Variants in PCDHGB3 observed in about 807,000 individuals in gnomAD.
PCDHGB3 encodes the protein protocadherin gamma-B3.
In PCDHGB3, 40 loss-of-function variants were observed where a neutral mutation model predicts 59.2. That is an observed-to-expected ratio of 0.68 (90% confidence interval 0.52 to 0.88). PCDHGB3 has a LOEUF of 0.88. PCDHGB3 is among the 40% of genes least tolerant of loss of function. The probability of loss-of-function intolerance (pLI) is 0.00; values close to 1 mark genes in which losing one functional copy is unlikely to be tolerated. For synonymous variants in PCDHGB3, 581 were observed against 503.6 expected (o/e 1.15, Z -2.06); for missense variants, 1,309 against 1,187.9 (o/e 1.10, Z -1.50).
chr5:141,431,032 C>T lies in PCDHGB3; in HGVS notation c.2415+58223C>T. 1 of 1,614,008 alleles carries T rather than the reference C, an allele frequency of 6.2e-7. No individual in the cohort carries two copies. The highest frequency in any genetic ancestry group is 2.2e-5 in the East Asian group (1 of 44,848). On this transcript the variant is annotated intron_variant, in intron 1 of 3. Transcript: ENST00000576222. This position sits in a 1 kb window ranked among gnomAD's most constrained non-coding sequence, Gnocchi z 4.8. ...GCTTGGTCACGGCGGGCAGGATAGA[C>T]CGGGAGGAGCTCTGTATGGGGGCCA...
At chr5:141,414,498 C>T (rs2095755127) in intron 1 of PCDHGB3, 1 of 1,613,848 alleles carries the variant, frequency 6.2e-7, no homozygotes, top group African/African-American at 1.3e-5. Flanking sequence ...CGGAAGCTCA[C>T]TTTATGCTAC....
chr5:141,481,351 A>G (rs2099536232), intron 1 of PCDHGB3, among the ~76,000 whole-genome samples: 1 of 152,152 alleles, frequency 6.6e-6, no homozygotes, highest in Non-Finnish European at 1.5e-5. Context: ...TTAAACATCT[A>G]CAGCTGTTCA....
chr5:141,480,651 C>T (rs780138971), intron 1 of PCDHGB3, among the ~76,000 whole-genome samples: 1 of 152,174 alleles, frequency 6.6e-6, no homozygotes, highest in African/African-American at 2.4e-5. Flanking sequence ...CTTGGTTGCA[C>T]ATTAAAATCA....
chr5:141,460,649 A>G (rs1171722531), intron 1 of PCDHGB3, among the ~76,000 whole-genome samples: 2 of 152,152 alleles, frequency 1.3e-5, no homozygotes, highest in Non-Finnish European at 2.9e-5. Flanking sequence ...GTGTTTACAC[A>G]TATGTAACTG....
rs151239937 is a variant in PCDHGB3, at chr5:141,485,980, G to A, written c.2416-8827G>A. 1.9e-6 allele frequency: 3 copies of A among 1,614,020 alleles called. No homozygotes were observed. The highest frequency in any genetic ancestry group is 2.5e-6 in the Non-Finnish European group (3 of 1,180,004). Reference sequence around the variant, plus strand: ...TCATCCAGCTCAATGCCTCAGACCCGGACCTGGGTCCCAGTGGTAACGTCA... The same window carrying A: ...TCATCCAGCTCAATGCCTCAGACCCAGACCTGGGTCCCAGTGGTAACGTCA... On this transcript the variant is annotated intron_variant, in intron 1 of 3. Coordinates refer to ENST00000576222, the MANE Select transcript of PCDHGB3 (RefSeq NM_018924.5). The surrounding 1 kb of genome is among the most constrained non-coding windows in gnomAD (Gnocchi z 5.7).
At position 141,489,947 on chromosome 5, in the gene PCDHGB3, A is replaced by G. The variant is rs368977481; in HGVS notation, c.2416-4860A>G. The G allele has an allele frequency of 5.4e-5, 87 of 1,614,090 alleles. No individual in the cohort carries two copies. Among genetic ancestry groups the G allele is most frequent in the South Asian group, 6.6e-5 (6 of 91,094 alleles). ...ATCTCTGTCATCGTGCTGGACATCA[A>G]TGATAATGCTCCAACCTTCCAATCC... On this transcript the variant is annotated intron_variant, in intron 1 of 3. Transcript: ENST00000576222. This position sits in a 1 kb window ranked among gnomAD's most constrained non-coding sequence, Gnocchi z 4.5.
chr5:141,412,918 G>A (rs893690519), intron 1 of PCDHGB3: 17 of 414,102 alleles, frequency 4.1e-5, no homozygotes, highest in Non-Finnish European at 5.5e-5. Context: ...TATCACTTGG[G>A]TGCAGTAACT....
In PCDHGB3 at chr5:141,410,110, C is replaced by G. The variant is rs1361292941; in HGVS notation, c.2415+37301C>G. The G allele has an allele frequency of 6.8e-6, 11 of 1,612,422 alleles. No homozygotes were observed. In the African/African-American group the frequency reaches 1.3e-4, roughly 20 times the overall value. ...CGGCTCGAGCCTTAGGCGACAGGGA[C>G]GCAGCCCGCCAGCGCCTGCTGGTCG... is the stretch of plus-strand genomic sequence containing the variant. On this transcript the variant is annotated intron_variant, in intron 1 of 3. Coordinates refer to ENST00000576222, the MANE Select transcript of PCDHGB3 (RefSeq NM_018924.5).
chr5:141,478,137 G>A (rs762316494), intron 1 of PCDHGB3: 13 of 1,613,872 alleles, frequency 8.1e-6, no homozygotes, highest in African/African-American at 8.0e-5. Context: ...CCTGAAGCCC[G>A]AGCCGAGTTC....
intron 1 of PCDHGB3, chr5:141,421,203 G>A (rs779780797): frequency 2.6e-6 from 4 of 1,522,494 alleles, no homozygotes; most frequent in African/African-American, 1.4e-5. Context: ...TCGAGAAACC[G>A]CGGAATATCG....
chr5:141,375,955 C>A, intron 1 of PCDHGB3: 2 of 1,613,498 alleles, frequency 1.2e-6, no homozygotes, highest in Non-Finnish European at 1.7e-6. Flanking sequence ...TGCACACGGG[C>A]GAGGTGCGCA....
At chr5:141,386,548 G>T (rs1264128780) in intron 1 of PCDHGB3, among the ~76,000 whole-genome samples, 1 of 151,902 alleles carries the variant, frequency 6.6e-6, no homozygotes, top group Non-Finnish European at 1.5e-5. Context: ...GTTGTATTTG[G>T]TAGTATTTTG....
rs770283696 is a variant in PCDHGB3, at chr5:141,385,127, T to G, written c.2415+12318T>G. On this transcript the variant is annotated intron_variant, in intron 1 of 3. Transcript: ENST00000576222. ...GTGCCCACCTCGCACTTTGTGGGCA[T>G]GGACGGGGTGCAGGCTTTCCTGCAG... is the stretch of plus-strand genomic sequence containing the variant. 6.2e-6 allele frequency: 10 copies of G among 1,614,222 alleles called. No individual in the cohort carries two copies. The South Asian group carries it at 7.7e-5, about 12-fold the overall frequency.
Position 141,372,754 on chromosome 5 carries a change from G to T in PCDHGB3, c.2360G>T (p.Trp787Leu). ...GATCTTCTATGTGATGAAGCCTCTT[G>T]GTTTGAAAGTAATGACAATCCAGAA... Reference protein sequence around the residue: ...PQDLLCDEASWFESNDNPEMP... With the variant: ...PQDLLCDEASLFESNDNPEMP... The change falls in exon 1 of 4, where the codon TGG becomes TTG. Residue 787 changes from tryptophan to leucine, a missense_variant. By Grantham distance (61) the Trp-to-Leu change is moderately conservative. Transcript: ENST00000576222. 6 of 1,613,022 alleles carry T rather than the reference G, an allele frequency of 3.7e-6. No homozygotes were observed. The highest frequency in any genetic ancestry group is 1.3e-5 in the African/African-American group (1 of 75,022).
chr5:141,383,098 A>T, intron 1 of PCDHGB3: 2 of 1,613,954 alleles, frequency 1.2e-6, no homozygotes, highest in Non-Finnish European at 1.7e-6. Context: ...AGTCCGCATC[A>T]TCTCCAGAGG....
chr5:141,371,485 C>G lies in PCDHGB3; in HGVS notation c.1091C>G (p.Thr364Ser). 1 of 1,613,980 alleles carries G rather than the reference C, an allele frequency of 6.2e-7. No homozygotes were observed. Among genetic ancestry groups the G allele is most frequent in the South Asian group, 1.1e-5 (1 of 91,076 alleles). Reference sequence around the variant, plus strand: ...ATACAAGAAGATGCTGAGCTGGGGACTGCCGTTGCCCTGATCAAAACACAT... The same window carrying G: ...ATACAAGAAGATGCTGAGCTGGGGAGTGCCGTTGCCCTGATCAAAACACAT... ...QHIQEDAELG[T>S]AVALIKTHDL... is the part of the protein sequence containing the mutation. The change falls in exon 1 of 4, where the codon ACT (threonine) becomes AGT (serine). Residue 364 changes from threonine (T) to serine (S), a missense_variant. Coordinates refer to ENST00000576222, the MANE Select transcript of PCDHGB3 (RefSeq NM_018924.5).
chr5:141,434,253 G>C (rs979768901), intron 1 of PCDHGB3, among the ~76,000 whole-genome samples: 9 of 152,198 alleles, frequency 5.9e-5, no homozygotes, highest in Non-Finnish European at 1.3e-4. Flanking sequence ...CTTGGGCATT[G>C]TGGGGGAGGT....
At position 141,491,116 on chromosome 5, in the gene PCDHGB3, GGT is replaced by G. The variant is rs2099708409; in HGVS notation, c.2416-3689_2416-3688del. The G allele has an allele frequency of 1.2e-6, 2 of 1,614,178 alleles. No individual in the cohort carries two copies. Among genetic ancestry groups the G allele is most frequent in the Non-Finnish European group, 1.7e-6 (2 of 1,180,024 alleles). On this transcript the variant is annotated intron_variant, in intron 1 of 3. Transcript: ENST00000576222. This position sits in a 1 kb window ranked among gnomAD's most constrained non-coding sequence, Gnocchi z 6.9. Reference sequence around the variant, plus strand: ...ACTGTTCCTCGTGTCTACACACACTGGTGAGGTGCGCACAGCCCGGGCCTTAC... The same window carrying G: ...ACTGTTCCTCGTGTCTACACACACTGGAGGTGCGCACAGCCCGGGCCTTAC...
chr5:141,375,070 C>T (rs1399275208), intron 1 of PCDHGB3: 2 of 1,613,854 alleles, frequency 1.2e-6, no homozygotes, highest in Admixed American at 1.7e-5. Flanking sequence ...GTCTTCGAGA[C>T]AGAGCGAAAG....
Sources: allele counts gnomAD v4.1 joint callset (sites outside exome capture counted in the v4.1 genomes callset), GRCh38; gene constraint gnomAD v4.1.1; non-coding constraint Gnocchi (gnomAD v3.1); transcripts MANE v1.5; gene names NCBI Gene and HGNC (gene_info 2026-07-23, HGNC 2026-07-21).